The following ATXN7L2 variants were observed in gnomAD, a reference collection of about 807,000 sequenced individuals.
The protein encoded by ATXN7L2 is ataxin-7-like protein 2.
A neutral mutation model predicts 59.6 loss-of-function variants in ATXN7L2; 17 were observed. The ratio of observed to expected loss-of-function variants is 0.29; its 90% CI spans 0.20 to 0.43. The LOEUF is 0.43. Among genes scored for constraint, ATXN7L2 ranks in the 20% least tolerant of loss-of-function variants. The probability of loss-of-function intolerance (pLI) is 1.00; values close to 1 mark genes in which losing one functional copy is unlikely to be tolerated. For missense variants in ATXN7L2, 858 were observed against 1,008.9 expected (o/e 0.85, Z 2.03); for synonymous variants, 378 against 392.5 (o/e 0.96, Z 0.44).
chr1:109,488,910 G>A lies in ATXN7L2; in HGVS notation c.943G>A (p.Ala315Thr). The A allele has an allele frequency of 6.2e-7, 1 of 1,614,118 alleles. No homozygotes were observed. The highest frequency in any genetic ancestry group is 8.5e-7 in the Non-Finnish European group (1 of 1,180,028). ...GGCCAAGGACTTTGACGTGCTGGTG[G>A]CAGAGCTGAAGGCCAACTCCCGCAA... ...GRAKDFDVLV[A>T]ELKANSRKGE... The change falls in exon 7 of 11, where the codon GCA (alanine) becomes ACA (threonine). Residue 315 changes from alanine to threonine, a missense_variant. Ala to Thr is a moderately conservative substitution (Grantham distance 58, BLOSUM62 0). Transcript: ENST00000683729. This position sits in a 1 kb window ranked among gnomAD's most constrained non-coding sequence, Gnocchi z 5.0.
Position 109,491,618 on chromosome 1 carries a change from G to A in ATXN7L2, c.2151G>A (p.Lys717=). The A allele has an allele frequency of 6.2e-7, 1 of 1,613,542 alleles. No homozygotes were observed. The highest frequency in any genetic ancestry group is 8.5e-7 in the Non-Finnish European group (1 of 1,179,934). Residue 717 remains lysine (K), a synonymous_variant, in exon 10 of 11, where the codon AAG becomes AAA. Coordinates refer to ENST00000683729, the MANE Select transcript of ATXN7L2 (RefSeq NM_001350175.2). The surrounding 1 kb of genome is among the most constrained non-coding windows in gnomAD (Gnocchi z 4.1). ...CTTATTGCCGGCCAGTGAAGGCCAA[G>A]CACTGTCAGGCTGGTGCCCCTGCTG... ...LATYCRPVKA[K]HCQAGAPADV...
chr1:109,486,870 A>G lies in ATXN7L2; in HGVS notation c.299-137A>G. 1 of 897,104 alleles carries G rather than the reference A, an allele frequency of 1.1e-6. No individual in the cohort carries two copies. The highest frequency in any genetic ancestry group is 1.7e-6 in the Non-Finnish European group (1 of 604,976). The allele number at this position is 897,104 out of a possible 1,614,324, so 55.6% of individuals were successfully genotyped here. A position where few individuals can be genotyped will look rare whatever the true frequency, so the allele number is the denominator to read the frequency against. On this transcript the variant is annotated intron_variant, in intron 3 of 10. Coordinates refer to ENST00000683729, the MANE Select transcript of ATXN7L2 (RefSeq NM_001350175.2). This position sits in a 1 kb window ranked among gnomAD's most constrained non-coding sequence, Gnocchi z 4.3. ...TTTGAGTCCTAAAGGCTCAGATTCA[A>G]ATGGGAAGGAGGCATGTTTACAATC...
rs777120649 is a variant in ATXN7L2 at position 109,483,949 on chromosome 1, C to T, written c.-5C>T. On this transcript the variant is annotated 5_prime_UTR_variant, in exon 1 of 11. Transcript: ENST00000683729. ...CGCCAGGGCGGGCGCGCGTCCGCGG[C>T]GGTGATGGCGGTGCGTGAACGCGCG... The T allele has an allele frequency of 5.6e-6, 7 of 1,242,974 alleles. No homozygotes were observed. The Admixed American group carries it at 1.6e-4, about 28-fold the overall frequency. 77.0% of individuals were successfully genotyped at this position (1,242,974 alleles called of 1,614,324 possible).
In ATXN7L2 at chr1:109,489,935, G is replaced by A. The variant is rs145225962; in HGVS notation, c.1139G>A (p.Arg380Gln). ...TYPYCALPRS[R>Q]ASSESELDDE... ...ATCCCTTTTGGCCCTTCCAGGTCCCGGGCCTCCTCCGAGAGTGAATTGGAT... is the reference window on the plus strand; with the variant it reads ...ATCCCTTTTGGCCCTTCCAGGTCCCAGGCCTCCTCCGAGAGTGAATTGGAT... The change falls in exon 8 of 11, where the codon CGG (arginine) becomes CAG (glutamine). Residue 380 changes from arginine to glutamine, a missense_variant. Around this residue, in one of 3 missense-constraint regions of ATXN7L2, gnomAD observed 734 missense variants for 862.3 expected, o/e 0.85. Transcript: ENST00000683729. 12 of 1,613,238 alleles carry A rather than the reference G, an allele frequency of 7.4e-6. No homozygotes were observed. In the South Asian group the frequency reaches 7.7e-5, roughly 10 times the overall value.
chr1:109,488,947 C>G lies in ATXN7L2; in HGVS notation c.980C>G (p.Pro327Arg). 1 of 1,614,156 alleles carries G rather than the reference C, an allele frequency of 6.2e-7. No homozygotes were observed. The highest frequency in any genetic ancestry group is 8.5e-7 in the Non-Finnish European group (1 of 1,180,032). ...GCCAACTCCCGCAAAGGGGAGTCTC[C>G]CAAGGAGAAGAGCCCAGGGCGCAAG... ...LKANSRKGES[P>R]KEKSPGRKEQ... Residue 327 changes from proline (P) to arginine (R), a missense_variant, in exon 7 of 11, where the codon CCC becomes CGC. Around this residue, in one of 3 missense-constraint regions of ATXN7L2, gnomAD observed 734 missense variants for 862.3 expected, o/e 0.85. Coordinates refer to ENST00000683729, the MANE Select transcript of ATXN7L2 (RefSeq NM_001350175.2). The surrounding 1 kb of genome is among the most constrained non-coding windows in gnomAD (Gnocchi z 5.0).
intron 1 of ATXN7L2, among the ~76,000 whole-genome samples, 155 bp downstream of exon 1, chr1:109,484,235 C>T (rs1392201598): frequency 6.6e-6 from 1 of 152,128 alleles, no homozygotes; most frequent in Non-Finnish European, 1.5e-5. Flanking sequence ...TGCCCGCCCG[C>T]TCCGTCACCT....
At position 109,490,047 on chromosome 1, in the gene ATXN7L2, G is replaced by C. The variant is rs1041670119; in HGVS notation, c.1251G>C (p.Glu417Asp). 10 of 1,610,598 alleles carry C rather than the reference G, an allele frequency of 6.2e-6. No individual in the cohort carries two copies. The highest frequency in any genetic ancestry group is 8.5e-6 in the Non-Finnish European group (10 of 1,178,420). ...GTGGGACCCAGGCCTCCAGCGAAGA[G>C]AGTGAGGAGGAGGGGACATCTGACG... ...PRGGTQASSE[E>D]SEEEGTSDDL... Residue 417 changes from glutamate to aspartate, a missense_variant, in exon 8 of 11, where the codon GAG (glutamate) becomes GAC (aspartate). By Grantham distance (45) the Glu-to-Asp change is conservative. Coordinates refer to ENST00000683729, the MANE Select transcript of ATXN7L2 (RefSeq NM_001350175.2).
Position 109,490,000 on chromosome 1 carries a change from T to C in ATXN7L2, c.1204T>C (p.Phe402Leu). The change falls in exon 8 of 11, where the codon TTC becomes CTC. Residue 402 changes from phenylalanine (F) to leucine (L), a missense_variant. Physicochemically the swap from Phe to Leu is conservative, Grantham distance 22. Transcript: ENST00000683729. Reference protein sequence around the residue: ...PCGGDGDPGLFPFPMPRGGTQ... With the variant: ...PCGGDGDPGLLPFPMPRGGTQ... ...TGGTGGTGATGGGGACCCAGGCCTG[T>C]TCCCCTTCCCCATGCCCCGGGGTGG... 1 of 1,612,886 alleles carries C rather than the reference T, an allele frequency of 6.2e-7. No individual in the cohort carries two copies. The highest frequency in any genetic ancestry group is 1.3e-5 in the African/African-American group (1 of 74,868).
In ATXN7L2 at chr1:109,486,442, C is replaced by G. The variant is rs1436213511; in HGVS notation, c.194-64C>G. ...CTTCTGAGTGTGGGGTGGGAGTGCT[C>G]TCCGATCTTCCAGAGAAACCCTGGG... On this transcript the variant is annotated intron_variant, in intron 2 of 10. Coordinates refer to ENST00000683729, the MANE Select transcript of ATXN7L2 (RefSeq NM_001350175.2). This position sits in a 1 kb window ranked among gnomAD's most constrained non-coding sequence, Gnocchi z 4.3. 2.8e-6 allele frequency: 4 copies of G among 1,416,796 alleles called. No individual in the cohort carries two copies. Among genetic ancestry groups the G allele is most frequent in the Non-Finnish European group, 3.9e-6 (4 of 1,016,284 alleles). The allele number at this position is 1,416,796 out of a possible 1,614,324, so 87.8% of individuals were successfully genotyped here.
In ATXN7L2 at chr1:109,491,959, C is replaced by T; in HGVS notation, c.2250+242C>T. 1.6e-6 allele frequency: 2 copies of T among 1,260,466 alleles called. No individual in the cohort carries two copies. Among genetic ancestry groups the T allele is most frequent in the East Asian group, 2.9e-5 (1 of 35,072 alleles). 78.1% of individuals were successfully genotyped at this position (1,260,466 alleles called of 1,614,324 possible). ...CTTGGGCTGAGGAGATGCGGCACCC[C>T]TCCACCCCTGCTTTTGCTATAATCA... On this transcript the variant is annotated intron_variant, in intron 10 of 10. Coordinates refer to ENST00000683729, the MANE Select transcript of ATXN7L2 (RefSeq NM_001350175.2). This position sits in a 1 kb window ranked among gnomAD's most constrained non-coding sequence, Gnocchi z 4.1.
chr1:109,491,941 TGAG>T lies in ATXN7L2; in HGVS notation c.2250+228_2250+230del. The T allele has an allele frequency of 1.6e-6, 2 of 1,220,486 alleles. No homozygotes were observed. Among genetic ancestry groups the T allele is most frequent in the Non-Finnish European group, 2.1e-6 (2 of 937,596 alleles). The allele number at this position is 1,220,486 out of a possible 1,614,324, so 75.6% of individuals were successfully genotyped here. On this transcript the variant is annotated intron_variant, in intron 10 of 10. Transcript: ENST00000683729. This position sits in a 1 kb window ranked among gnomAD's most constrained non-coding sequence, Gnocchi z 4.1. ...CTATCCCTAACCCTTTCCCTTGGGC[TGAG>T]GAGATGCGGCACCCCTCCACCCCTG... is the stretch of plus-strand genomic sequence containing the variant.
chr1:109,487,450 C>A, intron 4 of ATXN7L2, 68 bp from the exon 5 acceptor site: 1 of 1,398,694 alleles, frequency 7.1e-7, no homozygotes, highest in Non-Finnish European at 9.4e-7. Flanking sequence ...TGGCTCTGGG[C>A]TAGAGTCCAG....
chr1:109,492,730 C>A lies in ATXN7L2; in HGVS notation c.*130C>A. 3 of 1,059,774 alleles carry A rather than the reference C, an allele frequency of 2.8e-6. No individual in the cohort carries two copies. Among genetic ancestry groups the A allele is most frequent in the Non-Finnish European group, 2.7e-6 (2 of 729,934 alleles). 65.6% of individuals were successfully genotyped at this position (1,059,774 alleles called of 1,614,324 possible). A position where few individuals can be genotyped will look rare whatever the true frequency, so the allele number is the denominator to read the frequency against. Reference sequence around the variant, plus strand: ...TAAGAAAAAAAGCTCTTTAAAATACCTCAAGACTGTCTCCCTGTTCTGTTG... The same window carrying A: ...TAAGAAAAAAAGCTCTTTAAAATACATCAAGACTGTCTCCCTGTTCTGTTG... On this transcript the variant is annotated 3_prime_UTR_variant, in exon 11 of 11. Coordinates refer to ENST00000683729, the MANE Select transcript of ATXN7L2 (RefSeq NM_001350175.2).
Position 109,491,629 on chromosome 1 carries a change from C to G in ATXN7L2, c.2162C>G (p.Ala721Gly), listed in dbSNP as rs771640478. Residue 721 changes from alanine (A) to glycine (G), a missense_variant, in exon 10 of 11, where the codon GCT becomes GGT. Physicochemically the swap from Ala to Gly is moderately conservative, Grantham distance 60. This residue lies in a region of ATXN7L2 where 734 missense variants were observed against 862.3 expected (regional missense o/e 0.85). Coordinates refer to ENST00000683729, the MANE Select transcript of ATXN7L2 (RefSeq NM_001350175.2). This position sits in a 1 kb window ranked among gnomAD's most constrained non-coding sequence, Gnocchi z 4.1. ...CRPVKAKHCQ[A>G]GAPADVACSV... ...CCAGTGAAGGCCAAGCACTGTCAGG[C>G]TGGTGCCCCTGCTGATGTGGCCTGC... 1 of 1,613,330 alleles carries G rather than the reference C, an allele frequency of 6.2e-7. No homozygotes were observed. Among genetic ancestry groups the G allele is most frequent in the Admixed American group, 1.7e-5 (1 of 59,996 alleles).
At chr1:109,490,589 G>C (rs1656971530) in intron 9 of ATXN7L2, among the ~76,000 whole-genome samples, 197 bp downstream of exon 9, 2 of 152,206 alleles carry the variant, frequency 1.3e-5, no homozygotes, top group South Asian at 4.1e-4. Flanking sequence ...CTAAGGCAGG[G>C]CATGGAAGGG....
At chr1:109,492,472 C>G in intron 10 of ATXN7L2, 114 bp from the exon 11 acceptor site, 1 of 1,418,198 alleles carries the variant, frequency 7.1e-7, no homozygotes, top group South Asian at 1.3e-5. Context: ...TTTTACTCAC[C>G]AGGCCAGCAG....
In ATXN7L2 at chr1:109,491,730, C is replaced by T; in HGVS notation, c.2250+13C>T. Reference sequence around the variant, plus strand: ...CTCTACACTGAAGGTACCAGCCAGGCTCCCTGAAGATTGATGAGGGTGGGG... The same window carrying T: ...CTCTACACTGAAGGTACCAGCCAGGTTCCCTGAAGATTGATGAGGGTGGGG... On this transcript the variant is annotated intron_variant, in intron 10 of 10. Transcript: ENST00000683729. This position sits in a 1 kb window ranked among gnomAD's most constrained non-coding sequence, Gnocchi z 4.1. 1 of 1,572,626 alleles carries T rather than the reference C, an allele frequency of 6.4e-7. No homozygotes were observed. Among genetic ancestry groups the T allele is most frequent in the Non-Finnish European group, 8.6e-7 (1 of 1,156,130 alleles).
intron 1 of ATXN7L2, 92 bp from the exon 2 acceptor site, chr1:109,485,965 G>A: frequency 2.1e-6 from 3 of 1,416,930 alleles, no homozygotes; most frequent in Non-Finnish European, 2.8e-6. Context: ...CAACCTCTGG[G>A]TTGTCTTCTG....
chr1:109,486,088 G>A lies in ATXN7L2; in HGVS notation c.159G>A (p.Thr53=), dbSNP rs772179983. The change falls in exon 2 of 11, where the codon ACG becomes ACA. Residue 53 remains threonine (T), a synonymous_variant. Transcript: ENST00000683729. The surrounding 1 kb of genome is among the most constrained non-coding windows in gnomAD (Gnocchi z 4.3). ...GAELEESSKN[T]KKLDAMTLIK... is the part of the protein sequence containing the mutation. ...AGCTGGAGGAGAGTAGCAAAAACAC[G>A]AAGAAGTTGGATGCCATGACCCTCA... 6 of 1,600,174 alleles carry A rather than the reference G, an allele frequency of 3.7e-6. No homozygotes were observed. The highest frequency in any genetic ancestry group is 2.3e-5 in the East Asian group (1 of 44,172).
Sources: allele counts gnomAD v4.1 joint callset (sites outside exome capture counted in the v4.1 genomes callset), GRCh38; gene constraint gnomAD v4.1.1; regional missense constraint gnomAD v4.1.1; non-coding constraint Gnocchi (gnomAD v3.1); transcripts MANE v1.5; gene names NCBI Gene and HGNC (gene_info 2026-07-23, HGNC 2026-07-21).